Variants in IQSEC1 observed in about 807,000 individuals in gnomAD.
IQSEC1 encodes IQ motif and Sec7 domain ArfGEF 1.
In IQSEC1, 31 loss-of-function variants were observed where a neutral mutation model predicts 91.0. The ratio of observed to expected loss-of-function variants is 0.34; its 90% CI spans 0.26 to 0.46. The LOEUF is 0.46. IQSEC1 is among the 20% of genes least tolerant of loss of function. IQSEC1 has a pLI of 1.00. For missense variants in IQSEC1, 1,388 were observed against 1,575.6 expected, an observed-to-expected ratio of 0.88 and a Z score of 2.02; for synonymous variants, 699 against 662.6, an observed-to-expected ratio of 1.05 and a Z score of -0.84.
intron 1 of IQSEC1, among the ~76,000 whole-genome samples, chr3:13,070,631 A>G (rs911337973): frequency 8.5e-5 from 13 of 152,228 alleles, no homozygotes; most frequent in Admixed American, 1.3e-4. Context: ...TCTTGGTTAC[A>G]AGATCCTTGC....
intron 1 of IQSEC1, among the ~76,000 whole-genome samples, chr3:13,182,034 C>T (rs949049737): frequency 2.6e-5 from 4 of 152,198 alleles, no homozygotes; most frequent in Admixed American, 2.0e-4. Context: ...CTCTCTAAGT[C>T]CCATGACTTT....
rs1019452562 is a variant in IQSEC1 at position 13,073,358 on chromosome 3, G to A, written c.-344C>T. Among the ~76,000 whole-genome samples the A allele has an allele frequency of 1.3e-5, 2 of 152,220 alleles. No homozygotes were observed. The highest frequency in any genetic ancestry group is 4.8e-5 in the African/African-American group (2 of 41,470). ...TGGGGTTTTTCCCTCCCGTCCATCC[G>A]GGGTGCGGGGCGCGGGGATGAGGAG... On this transcript the variant is annotated 5_prime_UTR_variant, in exon 1 of 14. Coordinates refer to ENST00000613206, the MANE Select transcript of IQSEC1 (RefSeq NM_001134382.3).
At chr3:12,984,439 C>T (rs1701623670) in intron 1 of IQSEC1, among the ~76,000 whole-genome samples, 1 of 152,212 alleles carries the variant, frequency 6.6e-6, no homozygotes, top group Non-Finnish European at 1.5e-5. Flanking sequence ...AGTTGTTCCT[C>T]TGCCAACTGC....
chr3:12,949,318 G>A (rs1009760847), intron 1 of IQSEC1, among the ~76,000 whole-genome samples: 1 of 152,242 alleles, frequency 6.6e-6, no homozygotes, highest in Admixed American at 6.5e-5. Flanking sequence ...TGGCCAGAGG[G>A]TGGCCACATC....
chr3:13,245,870 A>G (rs1317491774), intron 1 of IQSEC1, among the ~76,000 whole-genome samples: 1 of 152,086 alleles, frequency 6.6e-6, no homozygotes, highest in East Asian at 1.9e-4. Flanking sequence ...GATGAAAGAC[A>G]CTGGGATTTG....
chr3:13,082,518 G>A (rs1705661982), intron 2 of IQSEC1, among the ~76,000 whole-genome samples: 1 of 152,194 alleles, frequency 6.6e-6, no homozygotes, highest in Non-Finnish European at 1.5e-5. Context: ...GCACTGCATG[G>A]CCATAGGGCC....
chr3:13,101,402 G>C (rs1318383801), intron 2 of IQSEC1, among the ~76,000 whole-genome samples: 1 of 132,056 alleles, frequency 7.6e-6, no homozygotes, highest in African/African-American at 3.1e-5. Flanking sequence ...CTGGGAGACA[G>C]GGTGAGATTC....
chr3:13,000,948 CTTTTTTTTT>C (rs10553726), intron 1 of IQSEC1, among the ~76,000 whole-genome samples: 1 of 121,940 alleles, frequency 8.2e-6, no homozygotes. Flanking sequence ...CCAAGTGAGT[CTTTTTTTTT>C]TTTTTTTTTT....
chr3:13,118,847 G>T (rs1291588992), intron 2 of IQSEC1, among the ~76,000 whole-genome samples: 2 of 152,078 alleles, frequency 1.3e-5, no homozygotes, highest in Non-Finnish European at 2.9e-5. Context: ...AGGCCAAGGT[G>T]GTGGGTCACC....
At chr3:12,977,801 A>G (rs360856) in intron 1 of IQSEC1, among the ~76,000 whole-genome samples, 141,390 of 152,336 alleles carry the variant, frequency 0.93, 65,738 homozygotes, top group East Asian at 1. Flanking sequence ...TTTTGCAGTC[A>G]TCTTTATGTT....
chr3:13,100,563 A>G (rs577514076), intron 2 of IQSEC1, among the ~76,000 whole-genome samples: 1 of 148,492 alleles, frequency 6.7e-6, no homozygotes, highest in African/African-American at 2.5e-5. Context: ...GCGGGCGCCC[A>G]GGCAACTACA....
intron 1 of IQSEC1, among the ~76,000 whole-genome samples, chr3:13,166,141 A>G (rs1693490702): frequency 6.6e-6 from 1 of 152,212 alleles, no homozygotes; most frequent in Non-Finnish European, 1.5e-5. Flanking sequence ...GCAGGACAGA[A>G]CACAAGACCA....
rs141042552 is a variant in IQSEC1, at chr3:12,935,685, T to G, written c.1331A>C (p.Gln444Pro). The change falls in exon 3 of 14, where the codon CAG (glutamine) becomes CCG (proline). Residue 444 changes from glutamine (Q) to proline (P), a missense_variant. Transcript: ENST00000613206. The surrounding 1 kb of genome is among the most constrained non-coding windows in gnomAD (Gnocchi z 8.0). ...TGAGTAGTCCGACTCAGACTTGCTC[T>G]GCCGGTTGGCTGAGCCATTGATGGC... ...HLAINGSANRQSKSESDYSDG... is the reference protein window; with the variant it reads ...HLAINGSANRPSKSESDYSDG... 173 of 1,613,678 alleles carry G rather than the reference T, an allele frequency of 1.1e-4. No homozygotes were observed. The highest frequency in any genetic ancestry group is 1.7e-4 in the Admixed American group (10 of 60,010).
intron 1 of IQSEC1, among the ~76,000 whole-genome samples, chr3:12,953,359 G>A (rs1347348011): frequency 6.6e-6 from 1 of 152,236 alleles, no homozygotes; most frequent in African/African-American, 2.4e-5. Context: ...GCGGAGACCG[G>A]CCTCACTGAC....
rs952290482 is a variant in IQSEC1, at chr3:12,897,768, C to T, written c.*3215G>A. 2.0e-5 allele frequency: 3 copies of T among 152,224 alleles called. No individual in the cohort carries two copies. The highest frequency in any genetic ancestry group is 7.2e-5 in the African/African-American group (3 of 41,448). The allele number at this position is 152,224 out of a possible 1,614,324, so 9.4% of individuals were successfully genotyped here. A position where few individuals can be genotyped will look rare whatever the true frequency, so the allele number is the denominator to read the frequency against. On this transcript the variant is annotated 3_prime_UTR_variant, in exon 14 of 14. Transcript: ENST00000613206. The stretch of plus-strand genomic sequence containing the variant: ...AACACCCAGCATCAGCTGTGAACAT[C>T]TGCTGTCTTTTCAGCTCATTAAGAA...
intron 1 of IQSEC1, among the ~76,000 whole-genome samples, chr3:12,974,446 C>G (rs1318915693): frequency 6.6e-6 from 1 of 152,242 alleles, no homozygotes; most frequent in Non-Finnish European, 1.5e-5. Context: ...CCCTCCTGGT[C>G]CCCCTGCAGA....
chr3:12,967,653 G>A lies in IQSEC1; in HGVS notation c.24-25788C>T, dbSNP rs1700673903. ...GCTCCGGCCCCAAGTCCGAGCCCCAGGCCAGCCAAGCCCGCCCCTCCGCCG... is the reference window on the plus strand; with the variant it reads ...GCTCCGGCCCCAAGTCCGAGCCCCAAGCCAGCCAAGCCCGCCCCTCCGCCG... On this transcript the variant is annotated intron_variant, in intron 1 of 13. Coordinates refer to ENST00000613206, the MANE Select transcript of IQSEC1 (RefSeq NM_001134382.3). This position sits in a 1 kb window ranked among gnomAD's most constrained non-coding sequence, Gnocchi z 5.9. 2 of 1,198,734 alleles carry A rather than the reference G, an allele frequency of 1.7e-6. No individual in the cohort carries two copies. Among genetic ancestry groups the A allele is most frequent in the Non-Finnish European group, 1.0e-6 (1 of 968,170 alleles). The allele number at this position is 1,198,734 out of a possible 1,614,324, so 74.3% of individuals were successfully genotyped here.
chr3:13,024,726 C>A (rs1208963505), intron 1 of IQSEC1, among the ~76,000 whole-genome samples: 1 of 151,626 alleles, frequency 6.6e-6, no homozygotes, highest in Non-Finnish European at 1.5e-5. Context: ...CACCCATCCA[C>A]CCATCTGTCC....
At chr3:13,058,432 T>G (rs771972260) in intron 1 of IQSEC1, among the ~76,000 whole-genome samples, 1 of 152,242 alleles carries the variant, frequency 6.6e-6, no homozygotes, top group Non-Finnish European at 1.5e-5. Context: ...GTATATGACC[T>G]CTGTCCTTCC....
Sources: allele counts gnomAD v4.1 joint callset (sites outside exome capture counted in the v4.1 genomes callset), GRCh38; gene constraint gnomAD v4.1.1; non-coding constraint Gnocchi (gnomAD v3.1); transcripts MANE v1.5; gene names NCBI Gene and HGNC (gene_info 2026-07-23, HGNC 2026-07-21).